Variants in ELOVL6 observed in about 807,000 individuals in gnomAD.
ELOVL6 encodes ELOVL fatty acid elongase 6.
In ELOVL6, 8 loss-of-function variants were observed where a neutral mutation model predicts 31.7. The observed-to-expected ratio is 0.25, with a 90% confidence interval of 0.15 to 0.45. The LOEUF is 0.45. ELOVL6 is among the 20% of genes least tolerant of loss of function. The probability of loss-of-function intolerance (pLI) is 1.00; values close to 1 mark genes in which losing one functional copy is unlikely to be tolerated. For missense variants in ELOVL6, 126 were observed against 326.4 expected (o/e 0.39, Z 4.73); for synonymous variants, 101 against 117.7 (o/e 0.86, Z 0.92).
intron 2 of ELOVL6, among the ~76,000 whole-genome samples, chr4:110,084,202 T>TATATATCATATAACTTATATG (rs1560814514): frequency 3.5e-4 from 28 of 79,502 alleles, no homozygotes; most frequent in African/African-American, 1.7e-3. Context: ...ACTTATATGA[T>TATATATCATATAACTTATATG]ATATATAACA....
chr4:110,078,682 T>C (rs1755730916), intron 2 of ELOVL6, among the ~76,000 whole-genome samples: 1 of 152,208 alleles, frequency 6.6e-6, no homozygotes, highest in South Asian at 2.1e-4. Context: ...CTGCATCAAC[T>C]AATGAGCAAA....
intron 2 of ELOVL6, among the ~76,000 whole-genome samples, chr4:110,070,008 C>T (rs1755423294): frequency 6.6e-6 from 1 of 152,176 alleles, no homozygotes; most frequent in African/African-American, 2.4e-5. Flanking sequence ...CCTTTCTGTA[C>T]ATCCCTGGTG....
chr4:110,068,522 G>C (rs1755370810), intron 2 of ELOVL6, among the ~76,000 whole-genome samples: 1 of 152,180 alleles, frequency 6.6e-6, no homozygotes, highest in Non-Finnish European at 1.5e-5. Context: ...CAGATGTTCT[G>C]ATTAAATGTT....
chr4:110,152,644 G>A (rs866428597), intron 1 of ELOVL6, among the ~76,000 whole-genome samples: 6 of 152,276 alleles, frequency 3.9e-5, no homozygotes, highest in African/African-American at 1.2e-4. Flanking sequence ...GTGGGTCTGG[G>A]GTGGGGCCTG....
At chr4:110,174,327 G>A (rs1021098007) in intron 1 of ELOVL6, among the ~76,000 whole-genome samples, 23 of 151,800 alleles carry the variant, frequency 1.5e-4, no homozygotes, top group African/African-American at 4.8e-4. Context: ...CCATATGCCC[G>A]GCTGATTTTT....
intron 2 of ELOVL6, among the ~76,000 whole-genome samples, chr4:110,092,688 G>A (rs376197060): frequency 1.3e-4 from 20 of 152,196 alleles, no homozygotes; most frequent in Admixed American, 7.2e-4. Context: ...ATTTATGGAC[G>A]TCAGCATCAT....
At chr4:110,148,392 G>GCATCTTCTCTGTTCCCACTTATTTGTA (rs1758187302) in intron 1 of ELOVL6, among the ~76,000 whole-genome samples, 1 of 150,600 alleles carries the variant, frequency 6.6e-6, no homozygotes, top group Non-Finnish European at 1.5e-5. Context: ...GACAAACGCT[G>GCATCTTCTCTGTTCCCACTTATTTGTA]CATCTTCTCT....
intron 2 of ELOVL6, among the ~76,000 whole-genome samples, chr4:110,071,793 A>ACGG (rs1755491698): frequency 6.6e-6 from 1 of 152,198 alleles, no homozygotes; most frequent in Non-Finnish European, 1.5e-5. Context: ...CTGAAAAGAG[A>ACGG]TGGTATGAAA....
intron 1 of ELOVL6, among the ~76,000 whole-genome samples, chr4:110,171,950 C>T (rs192037745): frequency 4.6e-5 from 7 of 151,998 alleles, no homozygotes; most frequent in East Asian, 1.9e-4. Context: ...TTGGTCCCCA[C>T]GGTGCTGAGA....
At chr4:110,076,716 TG>T (rs1755642481) in intron 2 of ELOVL6, among the ~76,000 whole-genome samples, 1 of 152,104 alleles carries the variant, frequency 6.6e-6, no homozygotes, top group African/African-American at 2.4e-5. Context: ...TTCATCTCAC[TG>T]GGGAGTGTTG....
intron 1 of ELOVL6, among the ~76,000 whole-genome samples, chr4:110,145,821 A>G (rs1262843424): frequency 2.6e-5 from 4 of 152,170 alleles, no homozygotes; most frequent in Non-Finnish European, 4.4e-5. Flanking sequence ...AATGCATCAA[A>G]TTTCCTTGCA....
chr4:110,052,930 A>C (rs1754872254), intron 3 of ELOVL6, among the ~76,000 whole-genome samples: 1 of 152,094 alleles, frequency 6.6e-6, no homozygotes, highest in Non-Finnish European at 1.5e-5. Context: ...TAAAAAACAA[A>C]AGCTAGAAGG....
chr4:110,066,853 C>T (rs1288721975), intron 2 of ELOVL6, among the ~76,000 whole-genome samples: 9 of 151,956 alleles, frequency 5.9e-5, no homozygotes, highest in South Asian at 2.1e-4. Context: ...CACCCATCAA[C>T]GCATCATCTA....
intron 2 of ELOVL6, among the ~76,000 whole-genome samples, chr4:110,097,438 G>A (rs1756616503): frequency 6.6e-6 from 1 of 152,088 alleles, no homozygotes; most frequent in Non-Finnish European, 1.5e-5. Context: ...GCAGTGCTAA[G>A]TAAATGGAAG....
intron 2 of ELOVL6, among the ~76,000 whole-genome samples, chr4:110,104,976 C>T (rs1315952445): frequency 6.6e-6 from 1 of 152,182 alleles, no homozygotes; most frequent in Non-Finnish European, 1.5e-5. Flanking sequence ...GTCTGCAAGT[C>T]AGTTCGGGGA....
chr4:110,140,921 A>G (rs189552312), intron 1 of ELOVL6, among the ~76,000 whole-genome samples: 7 of 152,284 alleles, frequency 4.6e-5, no homozygotes, highest in African/African-American at 1.7e-4. Flanking sequence ...TACAAAAGAA[A>G]GAGGTTCACT....
At chr4:110,165,538 G>A (rs1229321207) in intron 1 of ELOVL6, among the ~76,000 whole-genome samples, 1 of 152,184 alleles carries the variant, frequency 6.6e-6, no homozygotes, top group Non-Finnish European at 1.5e-5. Context: ...ATGAGCTCAG[G>A]TTGTCTAGCT....
Position 110,181,373 on chromosome 4 carries a change from G to A in ELOVL6, c.89+16874C>T, listed in dbSNP as rs776179548. On this transcript the variant is annotated intron_variant, in intron 1 of 3. Transcript: ENST00000302274. ...TGAGGTGGGAGAATCACCAGAGCCC[G>A]GGAGGTTGAGGCTGCAGTAAACCAA... Among the ~76,000 whole-genome samples, 9 of 152,162 alleles carry A rather than the reference G, an allele frequency of 5.9e-5. No individual in the cohort carries two copies. In the South Asian group the frequency reaches 8.3e-4, roughly 14 times the overall value.
intron 2 of ELOVL6, among the ~76,000 whole-genome samples, chr4:110,094,690 T>C (rs1233472907): frequency 1.3e-5 from 2 of 151,302 alleles, no homozygotes; most frequent in Non-Finnish European, 2.9e-5. Context: ...TAGGGCTTTG[T>C]AGGCCATTGC....
Sources: allele counts gnomAD v4.1 joint callset (sites outside exome capture counted in the v4.1 genomes callset), GRCh38; gene constraint gnomAD v4.1.1; transcripts MANE v1.5; gene names NCBI Gene and HGNC (gene_info 2026-07-23, HGNC 2026-07-21).